The following RBFOX1 variants were observed in gnomAD, a reference collection of about 807,000 sequenced individuals.
RBFOX1 encodes RNA binding protein fox-1 homolog 1.
In RBFOX1, 8 loss-of-function variants were observed where a neutral mutation model predicts 57.7. The ratio of observed to expected loss-of-function variants is 0.14; its 90% confidence interval spans 0.08 to 0.25. RBFOX1 has a LOEUF of 0.25. RBFOX1 is among the 10% of genes least tolerant of loss of function. The probability of loss-of-function intolerance (pLI) is 1.00; values close to 1 mark genes in which losing one functional copy is unlikely to be tolerated. For missense variants in RBFOX1, 611 were observed against 548.5 expected, an observed-to-expected ratio of 1.11 and a Z score of -1.14; for synonymous variants, 326 against 222.4, an observed-to-expected ratio of 1.47 and a Z score of -4.15.
intron 2 of RBFOX1, among the ~76,000 whole-genome samples, chr16:6,345,567 C>A (rs919630188): frequency 6.6e-6 from 1 of 152,156 alleles, no homozygotes; most frequent in African/African-American, 2.4e-5. Context: ...CAGTTGCCAC[C>A]TCCTACCTCA....
chr16:6,531,380 C>A (rs2096655912), intron 2 of RBFOX1, among the ~76,000 whole-genome samples: 1 of 152,292 alleles, frequency 6.6e-6, no homozygotes, highest in African/African-American at 2.4e-5. Context: ...GGTACCAGAG[C>A]TCTCAGACAT....
chr16:6,665,372 G>A (rs1425244330), intron 3 of RBFOX1, among the ~76,000 whole-genome samples: 1 of 152,186 alleles, frequency 6.6e-6, no homozygotes, highest in African/African-American at 2.4e-5. Flanking sequence ...CCAGCCCTTT[G>A]GGAGGCCCAG....
At position 6,835,477 on chromosome 16, in the gene RBFOX1, G is replaced by T. The variant is rs572291531; in HGVS notation, c.-16+180827G>T. The stretch of plus-strand genomic sequence containing the variant: ...TTTAAGTTTCTATCTTCTTGGCCGG[G>T]TGTGGTGGTCACGCCTGCAATCCCA... On this transcript the variant is annotated intron_variant, in intron 3 of 15. Coordinates refer to ENST00000550418, the MANE Select transcript of RBFOX1 (RefSeq NM_018723.4). 9.2e-5 allele frequency among the ~76,000 whole-genome samples: 14 copies of T among 152,136 alleles called. No homozygotes were observed. The East Asian group carries it at 2.5e-3, about 27-fold the overall frequency.
rs567072310 is a variant in RBFOX1 at position 7,206,447 on chromosome 16, C to T, written c.27+154349C>T. The stretch of plus-strand genomic sequence containing the variant: ...TATATACATATATGTATTATATTTC[C>T]TTATTAATATATATAATATGCGTGT... On this transcript the variant is annotated intron_variant, in intron 4 of 15. Transcript: ENST00000550418. Among the ~76,000 whole-genome samples the T allele has an allele frequency of 2.9e-3, 426 of 148,038 alleles. 4 individuals carry two copies. The highest frequency in any genetic ancestry group is 0.01 in the African/African-American group (407 of 39,832).
chr16:7,144,417 CTTTT>C (rs1190886141), intron 4 of RBFOX1, among the ~76,000 whole-genome samples: 1 of 66,914 alleles, frequency 1.5e-5, no homozygotes, highest in Non-Finnish European at 2.6e-5. Flanking sequence ...TTTCTTTCTT[CTTTT>C]TTTTTTTTTT....
chr16:5,431,912 C>G (rs1011185297), intron 1 of RBFOX1, among the ~76,000 whole-genome samples: 3 of 152,060 alleles, frequency 2.0e-5, no homozygotes, highest in Admixed American at 6.5e-5. Context: ...GACCACAGTT[C>G]CAGTAGGATT....
intron 4 of RBFOX1, among the ~76,000 whole-genome samples, chr16:7,090,437 G>A (rs1028341348): frequency 2.0e-5 from 3 of 152,042 alleles, no homozygotes; most frequent in Non-Finnish European, 2.9e-5. Context: ...CTATAAGGAT[G>A]GTCCTGTGTA....
At chr16:5,506,954 A>G (rs1003101489) in intron 2 of RBFOX1, among the ~76,000 whole-genome samples, 9 of 151,992 alleles carry the variant, frequency 5.9e-5, no homozygotes, top group African/African-American at 2.2e-4. Context: ...TTGACTCAAA[A>G]GCCCCGTCTC....
intron 3 of RBFOX1, among the ~76,000 whole-genome samples, chr16:5,745,883 T>G (rs1323208546): frequency 9.9e-5 from 15 of 152,230 alleles, no homozygotes; most frequent in Admixed American, 9.8e-4. Context: ...TCCCATTCTG[T>G]AGGTTGCCTA....
At chr16:6,425,954 A>T (rs976559079) in intron 2 of RBFOX1, among the ~76,000 whole-genome samples, 4 of 151,186 alleles carry the variant, frequency 2.6e-5, no homozygotes, top group African/African-American at 9.7e-5. Flanking sequence ...CTCCCCATTT[A>T]CCCCTCCCCC....
chr16:6,581,578 G>A (rs893093854), intron 2 of RBFOX1, among the ~76,000 whole-genome samples: 1 of 152,166 alleles, frequency 6.6e-6, no homozygotes, highest in African/African-American at 2.4e-5. Flanking sequence ...TGGGCAGAAG[G>A]CGGATATCGA....
At chr16:6,738,727 T>A (rs1259793825) in intron 3 of RBFOX1, among the ~76,000 whole-genome samples, 1 of 152,152 alleles carries the variant, frequency 6.6e-6, no homozygotes, top group Non-Finnish European at 1.5e-5. Flanking sequence ...TGAGAGACCA[T>A]GTCCTAGGCC....
At chr16:7,073,648 G>A (rs368037356) in intron 4 of RBFOX1, among the ~76,000 whole-genome samples, 4 of 151,920 alleles carry the variant, frequency 2.6e-5, no homozygotes, top group African/African-American at 9.7e-5. Flanking sequence ...CTTCAAGACC[G>A]GCCTGGGCAC....
chr16:7,080,400 G>C (rs2059007686), intron 4 of RBFOX1, among the ~76,000 whole-genome samples: 1 of 152,016 alleles, frequency 6.6e-6, no homozygotes, highest in Non-Finnish European at 1.5e-5. Flanking sequence ...TCTTTATCCT[G>C]GCAGAACGGT....
intron 3 of RBFOX1, among the ~76,000 whole-genome samples, chr16:6,707,456 A>T (rs2062945856): frequency 6.8e-6 from 1 of 146,534 alleles, no homozygotes; most frequent in African/African-American, 2.5e-5. Context: ...GCTAGTGAAT[A>T]TTTAGATGGC....
At chr16:7,488,792 A>G (rs2066129425) in intron 4 of RBFOX1, among the ~76,000 whole-genome samples, 1 of 152,162 alleles carries the variant, frequency 6.6e-6, no homozygotes, top group Non-Finnish European at 1.5e-5. Context: ...ATCTATACAT[A>G]TCCATACATT....
At chr16:5,509,138 G>A (rs183173722) in intron 2 of RBFOX1, among the ~76,000 whole-genome samples, 11 of 152,290 alleles carry the variant, frequency 7.2e-5, no homozygotes, top group Non-Finnish European at 1.0e-4. Context: ...TGAAATAGCC[G>A]CACACTTCCC....
At chr16:7,092,563 C>T (rs1182850887) in intron 4 of RBFOX1, among the ~76,000 whole-genome samples, 1 of 152,144 alleles carries the variant, frequency 6.6e-6, no homozygotes, top group African/African-American at 2.4e-5. Context: ...TCAGTTGTTT[C>T]TGCTTATAAA....
intron 8 of RBFOX1, 173 bp from the exon 9 acceptor site, chr16:7,597,198 T>C (rs2094748662): frequency 2.0e-6 from 1 of 511,316 alleles, no homozygotes; most frequent in African/African-American, 2.0e-5. Flanking sequence ...GAAGTAAATG[T>C]AATTTTAAAA....
Sources: gnomAD v4.1 joint callset for allele counts (sites outside exome capture counted in the v4.1 genomes callset) on GRCh38, gnomAD v4.1.1 for gene constraint, MANE v1.5 for transcripts, NCBI Gene and HGNC (gene_info 2026-07-23, HGNC 2026-07-21) for gene names.